TMEM232: variants seen among roughly 807,000 people sequenced by gnomAD.
TMEM232 encodes the protein transmembrane protein 232.
In TMEM232, 80 loss-of-function variants were observed where a neutral mutation model predicts 78.8. The ratio of observed to expected loss-of-function variants is 1.01; its 90% confidence interval spans 0.85 to 1.22. The LOEUF (loss-of-function observed/expected upper bound fraction) is 1.22, where lower values mean the gene tolerates loss of function less well. TMEM232 is among the 50% of genes most tolerant of loss of function. The pLI is 0.00. For synonymous variants in TMEM232, 297 were observed against 254.3 expected, an observed-to-expected ratio of 1.17 and a Z score of -1.60; for missense variants, 881 against 742.2, an observed-to-expected ratio of 1.19 and a Z score of -2.17.
intron 12 of TMEM232, among the ~76,000 whole-genome samples, chr5:110,453,067 A>G (rs1760495701): frequency 6.6e-6 from 1 of 152,186 alleles, no homozygotes; most frequent in Admixed American, 6.5e-5. Flanking sequence ...TTGTTATAAC[A>G]GTGACAGTGA....
rs542944358 is a variant in TMEM232 at position 110,461,293 on chromosome 5, G to T, written c.1704-36377C>A. ...AAAACAATTTAATTGCTGATATGGA[G>T]AAAGTTTTCATGGTCTGGATAGAGG... On this transcript the variant is annotated intron_variant, in intron 12 of 13. Transcript: ENST00000455884. 1.2e-4 allele frequency among the ~76,000 whole-genome samples: 18 copies of T among 152,216 alleles called. No individual in the cohort carries two copies. The South Asian group carries it at 3.5e-3, about 30-fold the overall frequency.
At chr5:110,465,200 G>C (rs1376339145) in intron 12 of TMEM232, among the ~76,000 whole-genome samples, 1 of 152,222 alleles carries the variant, frequency 6.6e-6, no homozygotes, top group Non-Finnish European at 1.5e-5. Context: ...GAGAAGATTA[G>C]ACTGTTTAGA....
intron 2 of TMEM232, among the ~76,000 whole-genome samples, chr5:110,665,909 A>G (rs1053454747): frequency 1.3e-5 from 2 of 151,662 alleles, no homozygotes; most frequent in South Asian, 2.1e-4. Context: ...AAAAAAAAAA[A>G]AAACTAAAAA....
intron 2 of TMEM232, among the ~76,000 whole-genome samples, chr5:110,642,574 T>C (rs1483920925): frequency 1.3e-5 from 2 of 152,130 alleles, no homozygotes; most frequent in Non-Finnish European, 2.9e-5. Flanking sequence ...TTGAGAAACA[T>C]AATTCCCATT....
intron 12 of TMEM232, among the ~76,000 whole-genome samples, chr5:110,517,390 T>A (rs1768829798): frequency 6.6e-6 from 1 of 152,220 alleles, no homozygotes; most frequent in Non-Finnish European, 1.5e-5. Context: ...AGAAATTTCT[T>A]CAATGCATAG....
intron 4 of TMEM232, among the ~76,000 whole-genome samples, chr5:110,639,901 A>C (rs1166907667): frequency 6.6e-6 from 1 of 152,216 alleles, no homozygotes; most frequent in Non-Finnish European, 1.5e-5. Context: ...CTCAGGCAGT[A>C]ATGCTCGCTC....
At chr5:110,738,209 G>C (rs1799408977), upstream of TMEM232, 1 of 1,286,482 alleles carries the variant, frequency 7.8e-7, no homozygotes, top group Admixed American at 2.3e-5. Flanking sequence ...ATCTGGGGAG[G>C]GAGCCTGGCC....
Position 110,605,149 on chromosome 5 carries a change from T to A in TMEM232, c.1236A>T (p.Leu412Phe). ...TTGAAGAGAAATATTCCAAAAGACT[T>A]AAAATACTTGTTTCCTTTAATTCTG... Reference protein sequence around the residue: ...VPPELKETSILSLLEYFSSKM... With the variant: ...VPPELKETSIFSLLEYFSSKM... Residue 412 changes from leucine to phenylalanine, a missense_variant, in exon 10 of 14, where the codon TTA (leucine) becomes TTT (phenylalanine). Coordinates refer to ENST00000455884, the MANE Select transcript of TMEM232 (RefSeq NM_001039763.4). 2 of 1,548,736 alleles carry A rather than the reference T, an allele frequency of 1.3e-6. No individual in the cohort carries two copies. The highest frequency in any genetic ancestry group is 2.4e-5 in the South Asian group (2 of 83,552).
At chr5:110,720,915 G>GA (rs1245615029) in intron 1 of TMEM232, 11 of 152,088 alleles carry the variant, frequency 7.2e-5, no homozygotes, top group African/African-American at 2.4e-4. Flanking sequence ...TTTTAAACTG[G>GA]AAAAAATAGG....
At chr5:110,429,673 T>C (rs1757615692) in intron 12 of TMEM232, among the ~76,000 whole-genome samples, 1 of 151,808 alleles carries the variant, frequency 6.6e-6, no homozygotes, top group Admixed American at 6.6e-5. Flanking sequence ...ATTTTATCAA[T>C]TAAACAAACC....
At chr5:110,734,672 T>C (rs760232223) in intron 2 of TMEM232, among the ~76,000 whole-genome samples, 2 of 152,232 alleles carry the variant, frequency 1.3e-5, no homozygotes, top group Non-Finnish European at 2.9e-5. Flanking sequence ...ATTTACTGTG[T>C]GTGTCCCATT....
chr5:110,646,640 C>T (rs569251492), intron 2 of TMEM232, among the ~76,000 whole-genome samples: 1 of 151,640 alleles, frequency 6.6e-6, no homozygotes, highest in Non-Finnish European at 1.5e-5. Flanking sequence ...TATTGGTCTT[C>T]GCAATAATTT....
At chr5:110,535,717 G>A (rs1581126314) in intron 11 of TMEM232, among the ~76,000 whole-genome samples, 1 of 152,112 alleles carries the variant, frequency 6.6e-6, no homozygotes, top group Non-Finnish European at 1.5e-5. Context: ...ACGAATAAAT[G>A]AATGAGTAAA....
chr5:110,464,457 C>T (rs1761862796), intron 12 of TMEM232, among the ~76,000 whole-genome samples: 1 of 152,134 alleles, frequency 6.6e-6, no homozygotes, highest in Admixed American at 6.5e-5. Flanking sequence ...CTTATGAATG[C>T]TTCCAGTTTG....
At chr5:110,561,758 G>A (rs1775773840) in intron 11 of TMEM232, among the ~76,000 whole-genome samples, 1 of 152,072 alleles carries the variant, frequency 6.6e-6, no homozygotes, top group Non-Finnish European at 1.5e-5. Flanking sequence ...TGTGGTCAGA[G>A]TTTAGGTCAG....
chr5:110,638,487 T>G (rs1259926151), intron 4 of TMEM232, 132 bp from the exon 5 acceptor site: 2 of 865,896 alleles, frequency 2.3e-6, no homozygotes, highest in Middle Eastern at 3.7e-4. Flanking sequence ...TTACAAATTC[T>G]CTTTGACACC....
intron 12 of TMEM232, among the ~76,000 whole-genome samples, chr5:110,501,330 C>T (rs1430727344): frequency 6.6e-6 from 1 of 152,020 alleles, no homozygotes; most frequent in Non-Finnish European, 1.5e-5. Context: ...TAATTAACTT[C>T]TGTTTATAAA....
rs562404717 is a variant in TMEM232 at position 110,545,493 on chromosome 5, G to C, written c.1456-16658C>G. On this transcript the variant is annotated intron_variant, in intron 11 of 13. Transcript: ENST00000455884. ...GTATTTGCTACATTGGCATTCTATT[G>C]ATAAGTATTTAAGGATCTATACTTA... 1.2e-4 allele frequency among the ~76,000 whole-genome samples: 18 copies of C among 151,818 alleles called. No homozygotes were observed. In the South Asian group the frequency reaches 3.8e-3, roughly 32 times the overall value.
At chr5:110,423,780 C>A (rs1024644455) in intron 13 of TMEM232, among the ~76,000 whole-genome samples, 13 of 142,486 alleles carry the variant, frequency 9.1e-5, no homozygotes, top group Admixed American at 3.5e-4. Flanking sequence ...TTTATGCGTG[C>A]GTGTGTGTGT....
Sources: gnomAD v4.1 joint callset for allele counts (sites outside exome capture counted in the v4.1 genomes callset) on GRCh38, gnomAD v4.1.1 for gene constraint, MANE v1.5 for transcripts, NCBI Gene and HGNC (gene_info 2026-07-23, HGNC 2026-07-21) for gene names.